GFM2: variants seen among roughly 807,000 people sequenced by gnomAD.
GFM2 encodes GTP dependent ribosome recycling factor mitochondrial 2, also known as ribosome-releasing factor 2, mitochondrial.
In GFM2, 72 loss-of-function variants were observed where a neutral mutation model predicts 95.4. The observed-to-expected ratio is 0.76, with a 90% CI of 0.62 to 0.92. The LOEUF is 0.92. Among genes scored for constraint, GFM2 ranks in the 40% least tolerant of loss-of-function variants. The pLI is 0.00. For synonymous variants in GFM2, 276 were observed against 317.5 expected, an observed-to-expected ratio of 0.87 and a Z score of 1.39; for missense variants, 825 against 924.1, an observed-to-expected ratio of 0.89 and a Z score of 1.39.
chr5:74,765,467 GAC>G (rs530452385), intron 1 of GFM2, among the ~76,000 whole-genome samples: 91 of 152,292 alleles, frequency 6.0e-4, no homozygotes, highest in African/African-American at 2.1e-3. Flanking sequence ...GAGGAATTGG[GAC>G]AGTTAGAACT....
intron 1 of GFM2, among the ~76,000 whole-genome samples, chr5:74,765,546 G>A (rs1044834212): frequency 2.0e-5 from 3 of 152,198 alleles, no homozygotes; most frequent in Admixed American, 2.0e-4. Context: ...TGAAGTAGAT[G>A]AGGGAGGAAA....
At chr5:74,745,952 A>G (rs886527566) in intron 9 of GFM2, 95 bp from the exon 10 acceptor site, 22 of 1,189,346 alleles carry the variant, frequency 1.8e-5, no homozygotes, top group South Asian at 5.7e-5. Flanking sequence ...TTTCCCCAAA[A>G]TGTCTATTAT....
intron 7 of GFM2, among the ~76,000 whole-genome samples, chr5:74,749,875 C>T (rs1743605433): frequency 6.6e-6 from 1 of 152,060 alleles, no homozygotes; most frequent in African/African-American, 2.4e-5. Flanking sequence ...TTACCTACCC[C>T]AAGGCTGTAA....
chr5:74,757,933 C>T (rs937509044), intron 5 of GFM2, among the ~76,000 whole-genome samples: 5 of 151,502 alleles, frequency 3.3e-5, no homozygotes, highest in Admixed American at 1.3e-4. Flanking sequence ...TGCAAGGGAC[C>T]GGGGAAAGGG....
intron 1 of GFM2, among the ~76,000 whole-genome samples, chr5:74,765,560 G>A (rs1003672460): frequency 6.6e-6 from 1 of 152,188 alleles, no homozygotes; most frequent in African/African-American, 2.4e-5. Flanking sequence ...GAGGAAATTC[G>A]GGGGATTGAG....
Position 74,721,587 on chromosome 5 carries a change from T to TAAAAATTGTTCTTACTGA in GFM2, c.*50_*67dup. ...TTTATTCGTCCAATAAATAAAGCAATAAAAATTGTTCTTACTGAAAATGAA... is the reference window on the plus strand; with the variant it reads ...TTTATTCGTCCAATAAATAAAGCAATAAAAATTGTTCTTACTGAAAAAATTGTTCTTACTGAAAATGAA... On this transcript the variant is annotated 3_prime_UTR_variant, in exon 21 of 21. Coordinates refer to ENST00000296805, the MANE Select transcript of GFM2 (RefSeq NM_032380.5). The TAAAAATTGTTCTTACTGA allele has an allele frequency of 6.8e-7, 1 of 1,479,946 alleles. No individual in the cohort carries two copies. The highest frequency in any genetic ancestry group is 9.3e-7 in the Non-Finnish European group (1 of 1,072,186). 91.7% of individuals were successfully genotyped at this position (1,479,946 alleles called of 1,614,324 possible).
At chr5:74,754,853 T>C (rs997543821) in intron 5 of GFM2, among the ~76,000 whole-genome samples, 11 of 152,124 alleles carry the variant, frequency 7.2e-5, no homozygotes, top group Non-Finnish European at 1.3e-4. Context: ...CAGTGGCTCA[T>C]GCATGTCATC....
At chr5:74,737,166 A>G (rs1032793166) in intron 14 of GFM2, among the ~76,000 whole-genome samples, 181 bp from the exon 15 acceptor site, 3 of 152,242 alleles carry the variant, frequency 2.0e-5, no homozygotes, top group African/African-American at 7.2e-5. Context: ...TTTAACTTGC[A>G]TAAGAATTCT....
In GFM2 at chr5:74,726,011, A is replaced by G; in HGVS notation, c.1842T>C (p.Ser614=). ...AGACCTTCAAAAGGCCTTCATTGAT[A>G]CTTTCAGCATACTCAAACTCAATCA... ...MPVIEFEYAE[S]INEGLLKVSQ... Residue 614 remains serine, a synonymous_variant, in exon 18 of 21, where the codon AGT becomes AGC. Transcript: ENST00000296805. 6.3e-7 allele frequency: 1 copy of G among 1,592,494 alleles called. No individual in the cohort carries two copies. Among genetic ancestry groups the G allele is most frequent in the South Asian group, 1.1e-5 (1 of 90,708 alleles).
intron 15 of GFM2, chr5:74,736,360 A>G: frequency 1.0e-6 from 1 of 984,622 alleles, no homozygotes; most frequent in Non-Finnish European, 1.2e-6. Flanking sequence ...GTTACTAACA[A>G]AAGGTCAAAC....
intron 11 of GFM2, among the ~76,000 whole-genome samples, chr5:74,741,151 C>T (rs993314194): frequency 1.3e-5 from 2 of 152,028 alleles, no homozygotes; most frequent in African/African-American, 2.4e-5. Flanking sequence ...AAATAATGTT[C>T]TCAGAAAAAT....
intron 15 of GFM2, among the ~76,000 whole-genome samples, chr5:74,735,434 T>C (rs1394795527): frequency 1.3e-5 from 2 of 152,080 alleles, no homozygotes; most frequent in African/African-American, 4.8e-5. Flanking sequence ...GGGGAGGCAA[T>C]AGAGATTGCT....
At chr5:74,761,802 C>T (rs1580025968) in intron 2 of GFM2, among the ~76,000 whole-genome samples, 1 of 152,300 alleles carries the variant, frequency 6.6e-6, no homozygotes, top group East Asian at 1.9e-4. Context: ...ACTAGATATA[C>T]ATTTAATAGC....
rs7713812 is a variant in GFM2 at position 74,737,072 on chromosome 5, T to C, written c.1321-87A>G. ...AAGAACCACAATATAAGAAAACTTT[T>C]TTGTGGCCCTTTCTTTTCATCAGAA... On this transcript the variant is annotated intron_variant, in intron 14 of 20. Transcript: ENST00000296805. 168,020 of 1,226,900 alleles carry C rather than the reference T, an allele frequency of 0.14. 12,016 individuals are homozygous for C. The highest frequency in any genetic ancestry group is 0.28 in the African/African-American group (18,720 of 65,888). 76.0% of individuals were successfully genotyped at this position (1,226,900 alleles called of 1,614,324 possible).
chr5:74,724,109 AT>A (rs1326513545), intron 19 of GFM2, among the ~76,000 whole-genome samples: 3 of 152,166 alleles, frequency 2.0e-5, no homozygotes, highest in Non-Finnish European at 2.9e-5. Flanking sequence ...GAAGTAACGA[AT>A]TAACACTAAT....
In GFM2 at chr5:74,745,781, T is replaced by C. The variant is rs1561251031; in HGVS notation, c.746A>G (p.Asn249Ser). 4 of 1,613,768 alleles carry C rather than the reference T, an allele frequency of 2.5e-6. No individual in the cohort carries two copies. The highest frequency in any genetic ancestry group is 3.4e-6 in the Non-Finnish European group (4 of 1,179,888). The change falls in exon 10 of 21, where the codon AAT becomes AGT. Residue 249 changes from asparagine (N) to serine (S), a missense_variant. Transcript: ENST00000296805. Reference protein sequence around the residue: ...VMKEKLLWNCNSNDGKDFERK... With the variant: ...VMKEKLLWNCSSNDGKDFERK... ...CTCAAAGTCTTTTCCATCATTTGAA[T>C]TGCAATTCCAAAGAAGTTTTTCTTT...
In GFM2 at chr5:74,721,519, G is replaced by A. The variant is rs1334912111; in HGVS notation, c.*136C>T. ...CTCCAGTGCCACTATCAAAGCTTAA[G>A]TTATATCTTTTATCTAGTTCTCTGA... On this transcript the variant is annotated 3_prime_UTR_variant, in exon 21 of 21. Transcript: ENST00000296805. 4.0e-6 allele frequency: 4 copies of A among 1,005,882 alleles called. No homozygotes were observed. In the East Asian group the frequency reaches 7.1e-5, roughly 18 times the overall value. 62.3% of individuals were successfully genotyped at this position (1,005,882 alleles called of 1,614,324 possible).
chr5:74,739,959 G>C, intron 12 of GFM2, 30 bp downstream of exon 12: 2 of 1,404,848 alleles, frequency 1.4e-6, no homozygotes, highest in Non-Finnish European at 1.9e-6. Flanking sequence ...CAAAGCTATA[G>C]AATTTTAATA....
At position 74,746,118 on chromosome 5, in the gene GFM2, G is replaced by C; in HGVS notation, c.656C>G (p.Pro219Arg). The C allele has an allele frequency of 6.4e-7, 1 of 1,551,540 alleles. No homozygotes were observed. Among genetic ancestry groups the C allele is most frequent in the Non-Finnish European group, 8.6e-7 (1 of 1,156,748 alleles). Reference protein sequence around the residue: ...ESIREKLKAKPLLLQLPIGEA... With the variant: ...ESIREKLKAKRLLLQLPIGEA... ...TAACCAATTTACCTGTAAAAGCAAA[G>C]GCTTTGCCTTTAACTTCTCTCTGAT... is the stretch of plus-strand genomic sequence containing the variant. Residue 219 changes from proline to arginine, a missense_variant, in exon 9 of 21, where the codon CCT becomes CGT. By Grantham distance (103) the Pro-to-Arg change is moderately radical (BLOSUM62 -2). Coordinates refer to ENST00000296805, the MANE Select transcript of GFM2 (RefSeq NM_032380.5).
Sources: gnomAD v4.1 joint callset for allele counts (sites outside exome capture counted in the v4.1 genomes callset) on GRCh38, gnomAD v4.1.1 for gene constraint, MANE v1.5 for transcripts, NCBI Gene and HGNC (gene_info 2026-07-23, HGNC 2026-07-21) for gene names.